SPIRE1: variants seen among roughly 807,000 people sequenced by gnomAD.
SPIRE1 encodes the protein protein spire homolog 1.
SPIRE1 carries 40 observed loss-of-function variants against 94.1 expected under a neutral mutation model. The ratio of observed to expected loss-of-function variants is 0.43; its 90% confidence interval spans 0.33 to 0.55. The LOEUF (loss-of-function observed/expected upper bound fraction) is 0.55. SPIRE1 is among the 20% of genes least tolerant of loss of function. SPIRE1 has a pLI of 0.06. For missense variants in SPIRE1, 838 were observed against 975.2 expected (o/e 0.86, Z 1.87); for synonymous variants, 376 against 371.7 (o/e 1.01, Z -0.13).
At chr18:12,618,213 T>A (rs2037366876) in intron 2 of SPIRE1, among the ~76,000 whole-genome samples, 1 of 152,036 alleles carries the variant, frequency 6.6e-6, no homozygotes, top group Admixed American at 6.6e-5. Flanking sequence ...GCCATTCTCC[T>A]GCCTCAGCCT....
At chr18:12,595,165 T>C (rs890544758) in intron 2 of SPIRE1, among the ~76,000 whole-genome samples, 1 of 151,836 alleles carries the variant, frequency 6.6e-6, no homozygotes, top group East Asian at 1.9e-4. Flanking sequence ...GGGACCACTA[T>C]AGGGGTGGCT....
intron 2 of SPIRE1, among the ~76,000 whole-genome samples, chr18:12,555,839 G>C (rs535620340): frequency 6.6e-6 from 1 of 152,148 alleles, no homozygotes; most frequent in East Asian, 1.9e-4. Context: ...ACAACAGAAA[G>C]AAATAAAGGC....
intron 1 of SPIRE1, among the ~76,000 whole-genome samples, chr18:12,654,931 G>C (rs2038493962): frequency 6.6e-6 from 1 of 151,908 alleles, no homozygotes; most frequent in African/African-American, 2.4e-5. Flanking sequence ...GGGAGGCTGA[G>C]GCAAGAGAAT....
chr18:12,558,193 G>T (rs1598469926), intron 2 of SPIRE1, among the ~76,000 whole-genome samples: 1 of 152,170 alleles, frequency 6.6e-6, no homozygotes. Flanking sequence ...ATGTTTAGAT[G>T]TGTCCGGAGT....
chr18:12,491,746 G>A (rs890999069), intron 8 of SPIRE1, among the ~76,000 whole-genome samples: 5 of 152,188 alleles, frequency 3.3e-5, no homozygotes, highest in Non-Finnish European at 5.9e-5. Context: ...CACAACAGAA[G>A]GGTCAGGATT....
intron 1 of SPIRE1, among the ~76,000 whole-genome samples, chr18:12,644,699 A>T (rs1249406236): frequency 6.6e-6 from 1 of 152,214 alleles, no homozygotes; most frequent in African/African-American, 2.4e-5. Context: ...AAATTTTTTC[A>T]ACCTCAAGAA....
chr18:12,541,865 T>G (rs1301575100), intron 3 of SPIRE1, among the ~76,000 whole-genome samples: 1 of 150,322 alleles, frequency 6.7e-6, no homozygotes, highest in Non-Finnish European at 1.5e-5. Context: ...CAAAAAAAAA[T>G]AAAAAGAAAC....
chr18:12,535,073 C>T (rs1020662554), intron 4 of SPIRE1, among the ~76,000 whole-genome samples: 1 of 152,198 alleles, frequency 6.6e-6, no homozygotes, highest in Non-Finnish European at 1.5e-5. Flanking sequence ...GTTAAATGAT[C>T]AGATGTGAGT....
At chr18:12,551,552 A>G (rs1362224266) in intron 2 of SPIRE1, among the ~76,000 whole-genome samples, 1 of 152,030 alleles carries the variant, frequency 6.6e-6, no homozygotes, top group Non-Finnish European at 1.5e-5. Flanking sequence ...ATACAAAAAC[A>G]AAATTAGCCG....
intron 12 of SPIRE1, among the ~76,000 whole-genome samples, chr18:12,460,235 G>A (rs936443311): frequency 9.2e-5 from 14 of 152,166 alleles, no homozygotes; most frequent in Admixed American, 8.5e-4. Flanking sequence ...GAGGCAACTC[G>A]TTACTGTGCC....
intron 2 of SPIRE1, among the ~76,000 whole-genome samples, chr18:12,555,318 AAT>A (rs918878589): frequency 2.0e-5 from 3 of 152,026 alleles, no homozygotes; most frequent in African/African-American, 7.2e-5. Context: ...AAAAAAAAAA[AAT>A]TTTTTTTTGG....
At chr18:12,468,060 G>C in intron 10 of SPIRE1, among the ~76,000 whole-genome samples, 1 of 152,244 alleles carries the variant, frequency 6.6e-6, no homozygotes, top group Admixed American at 6.5e-5. Context: ...GTGGAAACCA[G>C]TTAGAGTTAA....
intron 1 of SPIRE1, among the ~76,000 whole-genome samples, chr18:12,651,631 G>A (rs1466676100): frequency 1.3e-5 from 2 of 152,120 alleles, no homozygotes; most frequent in African/African-American, 2.4e-5. Context: ...CCGAGATCAC[G>A]CCACTGCCTC....
At chr18:12,457,553 G>T (rs1021675632) in intron 12 of SPIRE1, among the ~76,000 whole-genome samples, 1 of 152,140 alleles carries the variant, frequency 6.6e-6, no homozygotes, top group African/African-American at 2.4e-5. Context: ...CCACACTAGC[G>T]CACCTCTAGT....
At chr18:12,542,733 C>T (rs1002117624) in intron 3 of SPIRE1, among the ~76,000 whole-genome samples, 4 of 152,180 alleles carry the variant, frequency 2.6e-5, no homozygotes, top group Admixed American at 6.5e-5. Flanking sequence ...ACTAACTCCA[C>T]GCTACTGTTA....
intron 12 of SPIRE1, 99 bp downstream of exon 12, chr18:12,463,252 T>C (rs1207242934): frequency 3.9e-5 from 49 of 1,251,380 alleles, no homozygotes; most frequent in Non-Finnish European, 5.2e-5. Context: ...ATTCTAACTT[T>C]TGCAAGTTTT....
intron 2 of SPIRE1, among the ~76,000 whole-genome samples, chr18:12,557,359 A>G (rs1203321195): frequency 6.6e-6 from 1 of 151,964 alleles, no homozygotes; most frequent in East Asian, 1.9e-4. Flanking sequence ...GTGCTGGGGA[A>G]CTCAGCGCAC....
intron 1 of SPIRE1, among the ~76,000 whole-genome samples, chr18:12,643,504 ATC>A (rs1472531263): frequency 3.9e-5 from 6 of 152,230 alleles, no homozygotes; most frequent in African/African-American, 1.4e-4. Flanking sequence ...CCTCTGTGGC[ATC>A]TGAGTATGAG....
intron 2 of SPIRE1, among the ~76,000 whole-genome samples, chr18:12,569,084 C>A (rs181053266): frequency 6.6e-6 from 1 of 152,098 alleles, no homozygotes; most frequent in Admixed American, 6.5e-5. Context: ...CTCATGCCTG[C>A]AATCCCAGCA....
Sources: gnomAD v4.1 joint callset for allele counts (sites outside exome capture counted in the v4.1 genomes callset) on GRCh38, gnomAD v4.1.1 for gene constraint, MANE v1.5 for transcripts, NCBI Gene and HGNC (gene_info 2026-07-23, HGNC 2026-07-21) for gene names.